Variants in NFATC1 observed in about 807,000 individuals in gnomAD.
The protein encoded by NFATC1 is nuclear factor of activated T-cells, cytoplasmic 1.
Under a neutral mutation model 76.0 loss-of-function variants are expected in NFATC1, and 22 were observed. That is an observed-to-expected ratio of 0.29 (90% CI 0.21 to 0.41). The LOEUF (loss-of-function observed/expected upper bound fraction) is 0.41, where lower values mean the gene tolerates loss of function less well. NFATC1 is among the 10% of genes least tolerant of loss of function. The probability of loss-of-function intolerance (pLI) is 1.00; values close to 1 mark genes in which losing one functional copy is unlikely to be tolerated. For synonymous variants in NFATC1, 704 were observed against 613.1 expected, an observed-to-expected ratio of 1.15 and a Z score of -2.19; for missense variants, 1,357 against 1,337.7, an observed-to-expected ratio of 1.01 and a Z score of -0.23.
intron 7 of NFATC1, among the ~76,000 whole-genome samples, chr18:79,464,345 G>A (rs8084259): frequency 1.3e-5 from 2 of 151,752 alleles, no homozygotes; most frequent in Non-Finnish European, 2.9e-5. Context: ...TCCGCCCACC[G>A]TGGCCTCCCA....
At chr18:79,433,824 C>T (rs1262984717) in intron 3 of NFATC1, 86 bp downstream of exon 3, 18 of 1,489,458 alleles carry the variant, frequency 1.2e-5, no homozygotes, top group Non-Finnish European at 1.5e-5. Context: ...TGTGCTTAGA[C>T]TCTCCCAGCC....
rs1431928394 is a variant in NFATC1 at position 79,410,095 on chromosome 18, G to T, written c.128-308G>T. ...GGGGAAGGTGGTTTTTGAATGAAGAGCGGAACCCGTGAGGACCCGGCCGCC... is the reference window on the plus strand; with the variant it reads ...GGGGAAGGTGGTTTTTGAATGAAGATCGGAACCCGTGAGGACCCGGCCGCC... On this transcript the variant is annotated intron_variant, in intron 1 of 9. Coordinates refer to ENST00000427363, the MANE Select transcript of NFATC1 (RefSeq NM_001278669.2). The surrounding 1 kb of genome is among the most constrained non-coding windows in gnomAD (Gnocchi z 6.7). 1 of 704,334 alleles carries T rather than the reference G, an allele frequency of 1.4e-6. No individual in the cohort carries two copies. Among genetic ancestry groups the T allele is most frequent in the Non-Finnish European group, 2.6e-6 (1 of 378,812 alleles). The allele number at this position is 704,334 out of a possible 1,614,324, so 43.6% of individuals were successfully genotyped here. A position where few individuals can be genotyped will look rare whatever the true frequency, so the allele number is the denominator to read the frequency against.
intron 8 of NFATC1, among the ~76,000 whole-genome samples, chr18:79,473,805 C>T (rs373039356): frequency 6.7e-6 from 1 of 148,282 alleles, no homozygotes; most frequent in Admixed American, 6.7e-5. Flanking sequence ...CGTGTTCTCA[C>T]GCTCACTGTT....
rs1322632406 is a variant in NFATC1 at position 79,451,783 on chromosome 18, G to C, written c.1870G>C (p.Asp624His). 2 of 1,612,724 alleles carry C rather than the reference G, an allele frequency of 1.2e-6. No homozygotes were observed. Among genetic ancestry groups the C allele is most frequent in the Non-Finnish European group, 1.7e-6 (2 of 1,179,446 alleles). Residue 624 changes from aspartate to histidine, a missense_variant, in exon 6 of 10, where the codon GAC becomes CAC. By Grantham distance (81) the Asp-to-His change is moderately conservative (BLOSUM62 -1). Around this residue, in one of 3 missense-constraint regions of NFATC1, gnomAD observed 242 missense variants for 329.2 expected, o/e 0.74. Coordinates refer to ENST00000427363, the MANE Select transcript of NFATC1 (RefSeq NM_001278669.2). ...CCTGTCTGGCCACAACTTCCTGCAG[G>C]ACTCCAAGGTCATTTTCGTGGAGAA... is the stretch of plus-strand genomic sequence containing the variant. ...MVLSGHNFLQ[D>H]SKVIFVEKAP...
chr18:79,494,183 A>T (rs1025775342), intron 9 of NFATC1, among the ~76,000 whole-genome samples: 35 of 152,270 alleles, frequency 2.3e-4, no homozygotes, highest in African/African-American at 8.2e-4. Context: ...ACCGCGAGGG[A>T]CAGTGAGAAA....
intron 2 of NFATC1, among the ~76,000 whole-genome samples, chr18:79,432,944 C>T (rs540868060): frequency 1.3e-4 from 20 of 152,364 alleles, no homozygotes; most frequent in African/African-American, 4.1e-4. Flanking sequence ...GGTCATGCAG[C>T]TCGTGTCCCT....
chr18:79,399,773 A>T (rs2085122431), intron 1 of NFATC1, among the ~76,000 whole-genome samples: 1 of 151,918 alleles, frequency 6.6e-6, no homozygotes, highest in African/African-American at 2.4e-5. Flanking sequence ...AGGGGGTTGC[A>T]GGCCGAGGGG....
At chr18:79,450,040 C>T (rs534278685) in intron 4 of NFATC1, among the ~76,000 whole-genome samples, 103 of 152,318 alleles carry the variant, frequency 6.8e-4, no homozygotes, top group African/African-American at 2.2e-3. Flanking sequence ...CAGTCAGGTG[C>T]GTTCCACAGC....
chr18:79,466,607 C>A (rs528264400), intron 7 of NFATC1, among the ~76,000 whole-genome samples: 1 of 152,340 alleles, frequency 6.6e-6, no homozygotes, highest in East Asian at 1.9e-4. Context: ...CTGGCTGTTA[C>A]ATTAAAAACA....
At chr18:79,497,724 A>C (rs918530643) in intron 9 of NFATC1, 1 of 151,550 alleles carries the variant, frequency 6.6e-6, no homozygotes, top group Non-Finnish European at 1.5e-5. Context: ...AACCCCACCA[A>C]GCAGAAGTGA....
chr18:79,483,657 A>ACTCTGGCGTGACCTCG (rs2089396680), intron 8 of NFATC1, among the ~76,000 whole-genome samples: 1 of 133,972 alleles, frequency 7.5e-6, no homozygotes, highest in African/African-American at 2.9e-5. Context: ...CTGGGGTGTA[A>ACTCTGGCGTGACCTCG]TTCCAGCGTG....
chr18:79,483,399 A>G (rs55819605), intron 8 of NFATC1, among the ~76,000 whole-genome samples: 11,275 of 58,844 alleles, frequency 0.19, 1,590 homozygotes, highest in African/African-American at 0.23. Flanking sequence ...TCATTCCGGC[A>G]TGACCTGGTT....
Position 79,396,037 on chromosome 18 carries a change from C to T in NFATC1, c.-188C>T. On this transcript the variant is annotated 5_prime_UTR_variant, in exon 1 of 10. Transcript: ENST00000427363. ...GCGCGGGCAGGGCTCGGAGCCACCG[C>T]GCAGGTCCTAGGGCCGCGGCCGGGC... is the stretch of plus-strand genomic sequence containing the variant. 1.8e-6 allele frequency: 1 copy of T among 565,684 alleles called. No individual in the cohort carries two copies. The highest frequency in any genetic ancestry group is 2.4e-6 in the Non-Finnish European group (1 of 418,124). The allele number at this position is 565,684 out of a possible 1,614,324, so 35.0% of individuals were successfully genotyped here. A position where few individuals can be genotyped will look rare whatever the true frequency, so the allele number is the denominator to read the frequency against.
intron 1 of NFATC1, among the ~76,000 whole-genome samples, chr18:79,397,657 G>C (rs537880975): frequency 2.6e-5 from 4 of 152,100 alleles, no homozygotes; most frequent in Non-Finnish European, 5.9e-5. Flanking sequence ...TTTTTTGTTG[G>C]AGTTTCGGTT....
chr18:79,456,797 T>C (rs1279826592), intron 6 of NFATC1, among the ~76,000 whole-genome samples: 2 of 152,158 alleles, frequency 1.3e-5, no homozygotes, highest in African/African-American at 4.8e-5. Context: ...GGGGGATGGC[T>C]GCCTCTGTGG....
chr18:79,469,772 C>T, intron 8 of NFATC1: 1 of 985,448 alleles, frequency 1.0e-6, no homozygotes, highest in South Asian at 4.7e-5. Flanking sequence ...GCACCATAGT[C>T]CCTGGGTGAC....
chr18:79,427,392 T>TAGGGGGGAGC (rs1568947768), intron 2 of NFATC1, among the ~76,000 whole-genome samples: 2,287 of 77,530 alleles, frequency 0.029, 157 homozygotes, highest in Non-Finnish European at 0.032. Flanking sequence ...GTGCAGTGGG[T>TAGGGGGGAGC]TGGGGGGAGC....
chr18:79,472,867 T>G (rs1209328842), intron 8 of NFATC1, among the ~76,000 whole-genome samples: 1 of 152,230 alleles, frequency 6.6e-6, no homozygotes, highest in East Asian at 1.9e-4. Context: ...GTGTCGGCTG[T>G]GGGCACCTTG....
chr18:79,525,517 C>T (rs370516850), intron 9 of NFATC1, among the ~76,000 whole-genome samples: 105 of 143,798 alleles, frequency 7.3e-4, no homozygotes, highest in African/African-American at 2.6e-3. Context: ...CGTCGTTACC[C>T]CTCAGTCCTC....
Sources: allele counts gnomAD v4.1 joint callset (sites outside exome capture counted in the v4.1 genomes callset), GRCh38; gene constraint gnomAD v4.1.1; regional missense constraint gnomAD v4.1.1; non-coding constraint Gnocchi (gnomAD v3.1); transcripts MANE v1.5; gene names NCBI Gene and HGNC (gene_info 2026-07-23, HGNC 2026-07-21).